STK17B: variants seen among roughly 807,000 people sequenced by gnomAD.
STK17B encodes the protein serine/threonine-protein kinase 17B.
A neutral mutation model predicts 42.0 loss-of-function variants in STK17B; 21 were observed. That is an observed-to-expected ratio of 0.50 (90% CI 0.35 to 0.72). The LOEUF is 0.72. Ranked by LOEUF, STK17B falls within the 30% of genes least tolerant of loss-of-function variation. The pLI is 0.00. For missense variants in STK17B, 349 were observed against 446.0 expected, an observed-to-expected ratio of 0.78 and a Z score of 1.96; for synonymous variants, 143 against 148.4, an observed-to-expected ratio of 0.96 and a Z score of 0.26.
At chr2:196,161,719 T>C (rs1699814873) in intron 2 of STK17B, among the ~76,000 whole-genome samples, 1 of 152,002 alleles carries the variant, frequency 6.6e-6, no homozygotes, top group African/African-American at 2.4e-5. Flanking sequence ...GGTTTCACTA[T>C]GTTGGCAAGG....
At chr2:196,140,804 C>T (rs945630221) in intron 6 of STK17B, among the ~76,000 whole-genome samples, 9 of 152,036 alleles carry the variant, frequency 5.9e-5, no homozygotes, top group Non-Finnish European at 1.2e-4. Flanking sequence ...ACCTGATGAT[C>T]CACCTGCCTT....
rs1380112712 is a variant in STK17B, at chr2:196,153,257, A to AAAAAAAAAAAC, written c.335+3171_335+3181dup. The AAAAAAAAAAAC allele has an allele frequency of 2.0e-5, 3 of 150,446 alleles. 1 individual carries two copies. The highest frequency in any genetic ancestry group is 4.4e-5 in the Non-Finnish European group (3 of 67,694). The allele number at this position is 150,446 out of a possible 1,614,324, so 9.3% of individuals were successfully genotyped here. On this transcript the variant is annotated intron_variant, in intron 3 of 7. Coordinates refer to ENST00000263955, the MANE Select transcript of STK17B (RefSeq NM_004226.4). ...AGTCTAAGTGCAAAAACAATGTCCAAAAAAAAAAAACAGTTGTACTAAGTA... is the reference window on the plus strand; with the variant it reads ...AGTCTAAGTGCAAAAACAATGTCCAAAAAAAAAAAACAAAAAAAAAACAGTTGTACTAAGTA...
rs12619589 is a variant in STK17B, at chr2:196,145,856, C to T, written c.480+55G>A. 20 of 1,500,072 alleles carry T rather than the reference C, an allele frequency of 1.3e-5. No homozygotes were observed. In the Middle Eastern group the frequency reaches 7.4e-4, roughly 56 times the overall value. 92.9% of individuals were successfully genotyped at this position (1,500,072 alleles called of 1,614,324 possible). A position where few individuals can be genotyped will look rare whatever the true frequency, so the allele number is the denominator to read the frequency against. On this transcript the variant is annotated intron_variant, in intron 4 of 7. Coordinates refer to ENST00000263955, the MANE Select transcript of STK17B (RefSeq NM_004226.4). The stretch of plus-strand genomic sequence containing the variant: ...TAATACCAGTTTGCAACTGTGCATA[C>T]TAAGAGCAGAAGAAGAACACAGATG...
At chr2:196,138,558 C>T (rs927697153) in intron 7 of STK17B, among the ~76,000 whole-genome samples, 1 of 151,232 alleles carries the variant, frequency 6.6e-6, no homozygotes, top group African/African-American at 2.4e-5. Context: ...AACTAACCTC[C>T]AAATCACTTT....
chr2:196,165,915 C>T (rs757344453), intron 1 of STK17B, among the ~76,000 whole-genome samples: 2 of 152,246 alleles, frequency 1.3e-5, no homozygotes, highest in African/African-American at 4.8e-5. Context: ...ACAAAATTCT[C>T]ATCCCAACTT....
Position 196,135,057 on chromosome 2 carries a change from A to G in STK17B, c.*2390T>C, listed in dbSNP as rs755871080. 6.6e-6 allele frequency: 1 copy of G among 152,180 alleles called. No individual in the cohort carries two copies. Among genetic ancestry groups the G allele is most frequent in the African/African-American group, 2.4e-5 (1 of 41,442 alleles). The allele number at this position is 152,180 out of a possible 1,614,324, so 9.4% of individuals were successfully genotyped here. A position where few individuals can be genotyped will look rare whatever the true frequency, so the allele number is the denominator to read the frequency against. On this transcript the variant is annotated 3_prime_UTR_variant, in exon 8 of 8. Coordinates refer to ENST00000263955, the MANE Select transcript of STK17B (RefSeq NM_004226.4). ...TTAATATCAGGAAAAAAGGCATGGAAATTTACAGCTCTGTATTCTACTACT... is the reference window on the plus strand; with the variant it reads ...TTAATATCAGGAAAAAAGGCATGGAGATTTACAGCTCTGTATTCTACTACT...
chr2:196,163,225 G>C (rs1699835272), intron 2 of STK17B, 37 bp downstream of exon 2: 1 of 1,598,418 alleles, frequency 6.3e-7, no homozygotes, highest in African/African-American at 1.4e-5. Context: ...TCCAAAATTT[G>C]AATTTAGATG....
intron 3 of STK17B, among the ~76,000 whole-genome samples, chr2:196,147,736 ATT>A (rs71009081): frequency 1.3e-5 from 2 of 148,748 alleles, no homozygotes; most frequent in African/African-American, 2.5e-5. Flanking sequence ...GACATAATAT[ATT>A]TTTTTTTTTT....
chr2:196,146,645 ATAG>A (rs1329429895), intron 3 of STK17B, among the ~76,000 whole-genome samples: 3 of 152,228 alleles, frequency 2.0e-5, no homozygotes, highest in Admixed American at 1.3e-4. Context: ...GATAATAAAA[ATAG>A]TAGCTCTTTG....
chr2:196,155,586 TATCTC>T (rs903298481), intron 3 of STK17B, among the ~76,000 whole-genome samples: 52 of 152,286 alleles, frequency 3.4e-4, no homozygotes, highest in African/African-American at 1.2e-3. Flanking sequence ...AATAAACACT[TATCTC>T]TTCTTGGTTT....
Position 196,137,438 on chromosome 2 carries a change from A to G in STK17B, c.*9T>C. 2 of 1,608,042 alleles carry G rather than the reference A, an allele frequency of 1.2e-6. No individual in the cohort carries two copies. Among genetic ancestry groups the G allele is most frequent in the Non-Finnish European group, 1.7e-6 (2 of 1,177,412 alleles). ...CAAATTCAGTCCAAATGAGTCAAAG[A>G]AAAAAGTGCTAACAGAGCAAATCTG... On this transcript the variant is annotated 3_prime_UTR_variant, in exon 8 of 8. Coordinates refer to ENST00000263955, the MANE Select transcript of STK17B (RefSeq NM_004226.4).
chr2:196,150,408 C>T (rs960341556), intron 3 of STK17B, among the ~76,000 whole-genome samples: 2 of 152,204 alleles, frequency 1.3e-5, no homozygotes, highest in African/African-American at 2.4e-5. Context: ...TGTGAGAATA[C>T]GTGATAAGAG....
intron 1 of STK17B, among the ~76,000 whole-genome samples, chr2:196,168,555 T>G (rs369012698): frequency 1.4e-4 from 21 of 152,208 alleles, no homozygotes; most frequent in African/African-American, 5.1e-4. Context: ...GTTAAAATTT[T>G]TCAATGCTTA....
upstream of STK17B, among the ~76,000 whole-genome samples, chr2:196,174,586 GGCAAGGCCAA>G (rs1254777185): frequency 1.3e-5 from 2 of 152,200 alleles, no homozygotes; most frequent in Non-Finnish European, 2.9e-5. Context: ...GCCAGACGCA[GGCAAGGCCAA>G]CAGCCTCTGA....
intron 1 of STK17B, among the ~76,000 whole-genome samples, chr2:196,165,001 A>G (rs1004250937): frequency 2.0e-5 from 3 of 152,204 alleles, no homozygotes; most frequent in Non-Finnish European, 2.9e-5. Flanking sequence ...CCATTCATCC[A>G]TCATACCAGC....
At chr2:196,145,807 C>G in intron 4 of STK17B, 104 bp downstream of exon 4, 2 of 1,226,486 alleles carry the variant, frequency 1.6e-6, no homozygotes, top group Non-Finnish European at 2.2e-6. Context: ...TCTAGAAGAC[C>G]AGGAACCAAC....
intron 7 of STK17B, among the ~76,000 whole-genome samples, chr2:196,138,077 T>G (rs1047518055): frequency 2.0e-5 from 3 of 152,242 alleles, no homozygotes; most frequent in Non-Finnish European, 4.4e-5. Context: ...AAATGGTAGT[T>G]AAGTGGAACT....
At chr2:196,161,262 A>C (rs1387578950) in intron 2 of STK17B, among the ~76,000 whole-genome samples, 2 of 151,734 alleles carry the variant, frequency 1.3e-5, no homozygotes, top group African/African-American at 4.9e-5. Flanking sequence ...GTTCAATGTG[A>C]GATACAGGAA....
chr2:196,147,740 T>A (rs917061893), intron 3 of STK17B, among the ~76,000 whole-genome samples: 1 of 151,348 alleles, frequency 6.6e-6, no homozygotes, highest in African/African-American at 2.4e-5. Context: ...TAATATATTT[T>A]TTTTTTTTTT....
Sources: allele counts gnomAD v4.1 joint callset (sites outside exome capture counted in the v4.1 genomes callset), GRCh38; gene constraint gnomAD v4.1.1; transcripts MANE v1.5; gene names NCBI Gene and HGNC (gene_info 2026-07-23, HGNC 2026-07-21).